Variants in TMEM266 observed in about 807,000 individuals in gnomAD.
The protein encoded by TMEM266 is Hv1 related protein 1.
A neutral mutation model predicts 50.5 loss-of-function variants in TMEM266; 33 were observed. The observed-to-expected ratio is 0.65, with a 90% CI of 0.50 to 0.87. The LOEUF (loss-of-function observed/expected upper bound fraction) is 0.87, where lower values mean the gene tolerates loss of function less well. Ranked by LOEUF, TMEM266 falls within the 40% of genes least tolerant of loss-of-function variation. TMEM266 has a pLI of 0.00. For missense variants in TMEM266, 655 were observed against 695.1 expected, an observed-to-expected ratio of 0.94 and a Z score of 0.65; for synonymous variants, 310 against 292.3, an observed-to-expected ratio of 1.06 and a Z score of -0.62.
At chr15:76,202,463 G>A (rs1467593181) in intron 10 of TMEM266, among the ~76,000 whole-genome samples, 199 bp downstream of exon 10, 6 of 152,216 alleles carry the variant, frequency 3.9e-5, no homozygotes, top group Non-Finnish European at 7.3e-5. Context: ...CCCAGGGGCT[G>A]AGCCTGCAGG....
intron 1 of TMEM266, among the ~76,000 whole-genome samples, chr15:76,109,375 C>G (rs975690944): frequency 7.2e-5 from 11 of 152,176 alleles, no homozygotes; most frequent in Non-Finnish European, 1.3e-4. Flanking sequence ...CACCAGGTTC[C>G]TCCCAAGGCT....
chr15:76,079,127 C>T (rs1299681536), intron 1 of TMEM266, among the ~76,000 whole-genome samples: 3 of 152,246 alleles, frequency 2.0e-5, no homozygotes, highest in South Asian at 2.1e-4. Context: ...CCTAAGTGGG[C>T]GGATCACTTG....
chr15:76,204,041 A>G lies in TMEM266; in HGVS notation c.1322A>G (p.Gln441Arg), dbSNP rs145543210. 6.2e-7 allele frequency: 1 copy of G among 1,612,302 alleles called. No individual in the cohort carries two copies. Among genetic ancestry groups the G allele is most frequent in the African/African-American group, 1.3e-5 (1 of 74,864 alleles). ...CAGCAGGTGGAGGAGGCCACAGTCC[A>G]GGACCTGCTGTCCTCCCTGTCGGAG... The change falls in exon 11 of 11, where the codon CAG (glutamine) becomes CGG (arginine). Residue 441 changes from glutamine to arginine, a missense_variant. This residue lies in a region of TMEM266 where 455 missense variants were observed against 401.8 expected (regional missense o/e 1.13). Transcript: ENST00000388942.
chr15:76,192,655 G>A (rs1596168401), intron 9 of TMEM266, among the ~76,000 whole-genome samples: 1 of 152,222 alleles, frequency 6.6e-6, no homozygotes, highest in South Asian at 2.1e-4. Flanking sequence ...CTTGCAGACG[G>A]TGAGAATTCA....
chr15:76,201,302 C>T (rs2038743559), intron 9 of TMEM266, among the ~76,000 whole-genome samples: 1 of 152,180 alleles, frequency 6.6e-6, no homozygotes, highest in Non-Finnish European at 1.5e-5. Context: ...GGTCTTCCAG[C>T]ACCTGGCTTT....
chr15:76,204,641 G>A lies in TMEM266; in HGVS notation c.*326G>A, dbSNP rs535623536. ...GGGGGCCAGCTCAGCCTCTTGCGTT[G>A]CCTTCGTTCCTGACGCCCACCCTGG... On this transcript the variant is annotated 3_prime_UTR_variant, in exon 11 of 11. Transcript: ENST00000388942. 1.4e-4 allele frequency: 29 copies of A among 206,746 alleles called. No individual in the cohort carries two copies. The South Asian group carries it at 3.6e-3, about 25-fold the overall frequency. 12.8% of individuals were successfully genotyped at this position (206,746 alleles called of 1,614,324 possible).
chr15:76,101,489 C>T (rs943554048), intron 1 of TMEM266, among the ~76,000 whole-genome samples: 3 of 152,170 alleles, frequency 2.0e-5, no homozygotes, highest in African/African-American at 7.2e-5. Context: ...AGGAGGTAGA[C>T]GCAAGTTCCA....
At chr15:76,185,290 A>C (rs2038476701) in intron 8 of TMEM266, among the ~76,000 whole-genome samples, 1 of 151,028 alleles carries the variant, frequency 6.6e-6, no homozygotes, top group Non-Finnish European at 1.5e-5. Context: ...CTTAGATCCT[A>C]CTCTGCTCCA....
In TMEM266 at chr15:76,134,280, C is replaced by G. The variant is rs114291110; in HGVS notation, c.17C>G (p.Ser6Cys). Reference sequence around the variant, plus strand: ...AGAAAACCCATGGCTGTGGCTCCATCTTTCAACATGACCAATCCACAGTAA... The same window carrying G: ...AGAAAACCCATGGCTGTGGCTCCATGTTTCAACATGACCAATCCACAGTAA... Residue 6 changes from serine to cysteine, a missense_variant, in exon 2 of 11, where the codon TCT (serine) becomes TGT (cysteine). It adds an upstream start codon to the 5' untranslated region. Transcript: ENST00000388942. The G allele has an allele frequency of 2.1e-4, 336 of 1,614,064 alleles. 1 individual carries two copies. The African/African-American group carries it at 4.1e-3, about 20-fold the overall frequency.
chr15:76,171,736 G>A lies in TMEM266; in HGVS notation c.652+605G>A, dbSNP rs527773072. ...ATCCCTGGGTCTCCATTTGCAGAAA[G>A]TATCTGGTCCACTCCTTTGTCATTG... On this transcript the variant is annotated intron_variant, in intron 7 of 10. Coordinates refer to ENST00000388942, the MANE Select transcript of TMEM266 (RefSeq NM_152335.3). 4.6e-5 allele frequency among the ~76,000 whole-genome samples: 7 copies of A among 152,324 alleles called. No individual in the cohort carries two copies. The East Asian group carries it at 7.7e-4, about 17-fold the overall frequency.
intron 8 of TMEM266, among the ~76,000 whole-genome samples, chr15:76,189,996 G>C (rs1291488816): frequency 6.6e-6 from 1 of 152,256 alleles, no homozygotes; most frequent in Non-Finnish European, 1.5e-5. Flanking sequence ...GTGCCAGGTT[G>C]CTGCCTGGCC....
At chr15:76,124,038 A>G (rs1362303576) in intron 1 of TMEM266, among the ~76,000 whole-genome samples, 3 of 152,224 alleles carry the variant, frequency 2.0e-5, no homozygotes, top group Admixed American at 2.0e-4. Flanking sequence ...TGACTGGACT[A>G]GGTTCACATA....
intron 8 of TMEM266, among the ~76,000 whole-genome samples, chr15:76,189,168 GCAGA>G (rs2038530256): frequency 6.6e-6 from 1 of 152,040 alleles, no homozygotes; most frequent in South Asian, 2.1e-4. Context: ...CTTTAGTGTG[GCAGA>G]CAGAGTAAAA....
chr15:76,174,076 T>G (rs563118763), intron 7 of TMEM266, among the ~76,000 whole-genome samples: 1 of 152,304 alleles, frequency 6.6e-6, no homozygotes, highest in Non-Finnish European at 1.5e-5. Flanking sequence ...GCACTTAGCC[T>G]ACTTTTCAAA....
At chr15:76,192,222 G>C in intron 9 of TMEM266, 65 bp downstream of exon 9, 1 of 1,363,808 alleles carries the variant, frequency 7.3e-7, no homozygotes, top group Non-Finnish European at 9.5e-7. Flanking sequence ...CCTCCCTCTC[G>C]CGCCCCGGGA....
Position 76,134,917 on chromosome 15 carries a change from A to C in TMEM266, c.38+616A>C, listed in dbSNP as rs2037566163. ...CTGATCTTGGCTGGGATGACTTTTAAATGTGGGTGATAGCTGGCTGTCAGC... is the reference window on the plus strand; with the variant it reads ...CTGATCTTGGCTGGGATGACTTTTACATGTGGGTGATAGCTGGCTGTCAGC... On this transcript the variant is annotated intron_variant, in intron 2 of 10. Transcript: ENST00000388942. Among the ~76,000 whole-genome samples, 3 of 152,202 alleles carry C rather than the reference A, an allele frequency of 2.0e-5. No individual in the cohort carries two copies. The South Asian group carries it at 6.2e-4, about 32-fold the overall frequency.
At chr15:76,089,009 G>A (rs184631252) in intron 1 of TMEM266, among the ~76,000 whole-genome samples, 3 of 138,818 alleles carry the variant, frequency 2.2e-5, no homozygotes, top group Admixed American at 7.8e-5. Context: ...CATGAGAATC[G>A]CTTGAACCTA....
At chr15:76,177,667 C>T (rs538592146) in intron 8 of TMEM266, among the ~76,000 whole-genome samples, 1 of 152,390 alleles carries the variant, frequency 6.6e-6, no homozygotes, top group African/African-American at 2.4e-5. Context: ...GCTATGGAAT[C>T]CTAGACTAGG....
chr15:76,138,428 T>C (rs1248736362), intron 3 of TMEM266, among the ~76,000 whole-genome samples: 1 of 152,014 alleles, frequency 6.6e-6, no homozygotes, highest in Non-Finnish European at 1.5e-5. Flanking sequence ...CTTAGGAGAA[T>C]CATAAAATTT....
Sources: allele counts gnomAD v4.1 joint callset (sites outside exome capture counted in the v4.1 genomes callset), GRCh38; gene constraint gnomAD v4.1.1; regional missense constraint gnomAD v4.1.1; transcripts MANE v1.5; gene names NCBI Gene and HGNC (gene_info 2026-07-23, HGNC 2026-07-21).